The following ATRX variants were observed in gnomAD, a reference collection of about 807,000 sequenced individuals.
ATRX encodes chromatin remodeler ATRX.
ATRX carries 12 observed loss-of-function variants against 172.6 expected under a neutral mutation model. That is an observed-to-expected ratio of 0.07 (90% CI 0.04 to 0.11). The LOEUF (loss-of-function observed/expected upper bound fraction) is 0.11, where lower values mean the gene tolerates loss of function less well. Among genes scored for constraint, ATRX ranks in the 10% least tolerant of loss-of-function variants. ATRX has a pLI of 1.00. For synonymous variants in ATRX, 674 were observed against 594.7 expected (o/e 1.13, Z -1.94); for missense variants, 1,368 against 1,767.4 (o/e 0.77, Z 4.05).
chrX:77,728,025 G>T (rs781813434), intron 1 of ATRX: 1 of 110,157 alleles, frequency 9.1e-6, no homozygotes, highest in Non-Finnish European at 1.9e-5. Flanking sequence ...GAAAATTAGC[G>T]GTAGAATGTG....
chrX:77,770,393 T>G (rs2148941513), intron 1 of ATRX, among the ~76,000 whole-genome samples: 1 of 110,651 alleles, frequency 9.0e-6, no homozygotes, highest in Admixed American at 9.7e-5. Context: ...TGAGCCACCA[T>G]GCCCGGCCAA....
intron 10 of ATRX, among the ~76,000 whole-genome samples, chrX:77,666,998 T>C (rs1172463586): frequency 1.8e-5 from 2 of 111,617 alleles, no homozygotes; most frequent in African/African-American, 6.5e-5. Flanking sequence ...ATTAAAATGA[T>C]ATTCTAAATA....
At chrX:77,588,265 T>A (rs1557078291) in intron 27 of ATRX, among the ~76,000 whole-genome samples, 2 of 112,067 alleles carry the variant, frequency 1.8e-5, no homozygotes, top group Non-Finnish European at 3.8e-5. Flanking sequence ...ATATCATGCA[T>A]AAAAATTAAC....
intron 27 of ATRX, among the ~76,000 whole-genome samples, chrX:77,578,814 C>T (rs782039260): frequency 1.8e-5 from 2 of 112,004 alleles, no homozygotes; most frequent in East Asian, 2.9e-4. Context: ...TTGGCCACAG[C>T]GGACAAAAGC....
rs1557137763 is a variant in ATRX at position 77,681,978 on chromosome X, C to A, written c.3278G>T (p.Arg1093Met). Residue 1093 changes from arginine (R) to methionine (M), a missense_variant, in exon 9 of 35, where the codon AGG (arginine) becomes ATG (methionine). Transcript: ENST00000373344. ...TGAACTCTTTCCAAGCAACTTGCAC[C>A]TTTTCTTCTCTCTACCATATGCTCC... is the stretch of plus-strand genomic sequence containing the variant. Reference protein sequence around the residue: ...KNGAYGREKKRCKLLGKSSRK... With the variant: ...KNGAYGREKKMCKLLGKSSRK... 1.7e-6 allele frequency: 2 copies of A among 1,210,137 alleles called. No individual in the cohort carries two copies. Among genetic ancestry groups the A allele is most frequent in the Non-Finnish European group, 1.1e-6 (1 of 894,407 alleles).
At chrX:77,600,056 C>A (rs782357671) in intron 23 of ATRX, among the ~76,000 whole-genome samples, 3 of 111,035 alleles carry the variant, frequency 2.7e-5, no homozygotes, top group African/African-American at 9.8e-5. Context: ...TGAAGAAATC[C>A]AAATAAAGTC....
intron 22 of ATRX, among the ~76,000 whole-genome samples, chrX:77,607,400 TAAAAC>T (rs1257582601): frequency 2.7e-5 from 3 of 111,493 alleles, no homozygotes; most frequent in African/African-American, 9.8e-5. Flanking sequence ...TAGCTACAAA[TAAAAC>T]AAAATATTCA....
chrX:77,597,090 T>C (rs782752827), intron 25 of ATRX, among the ~76,000 whole-genome samples: 6 of 111,423 alleles, frequency 5.4e-5, no homozygotes, highest in Middle Eastern at 9.3e-3. Flanking sequence ...GAACTTCTCA[T>C]TGCCTTAAAT....
At chrX:77,621,293 T>C (rs1330126946) in intron 19 of ATRX, among the ~76,000 whole-genome samples, 1 of 111,773 alleles carries the variant, frequency 8.9e-6, no homozygotes, top group African/African-American at 3.2e-5. Context: ...TAAAATAACA[T>C]ACATATTTTT....
intron 22 of ATRX, 39 bp from the exon 23 acceptor site, chrX:77,600,603 C>A (rs2148159785): frequency 8.4e-7 from 1 of 1,191,691 alleles, no homozygotes; most frequent in South Asian, 1.8e-5. Flanking sequence ...CAAAAATTGT[C>A]TATATCAACC....
In ATRX at chrX:77,620,546, C is replaced by T. The variant is rs2148272829; in HGVS notation, c.5135-14G>A. On this transcript the variant is annotated splice_polypyrimidine_tract_variant and intron_variant, in intron 19 of 34. Transcript: ENST00000373344. ...CAAAATCAGGGCCTACAAAAATAAA[C>T]AGAAAAATAACACAATTAATATATA... 3.4e-6 allele frequency: 4 copies of T among 1,175,155 alleles called. No homozygotes were observed. Among genetic ancestry groups the T allele is most frequent in the Non-Finnish European group, 4.6e-6 (4 of 868,549 alleles).
At chrX:77,717,081 A>C (rs1557165642) in intron 2 of ATRX, 50 bp downstream of exon 2, 2 of 1,050,567 alleles carry the variant, frequency 1.9e-6, no homozygotes, top group Non-Finnish European at 2.6e-6. Flanking sequence ...AAGTGTAAAA[A>C]AAAAATAGAA....
chrX:77,751,837 G>A (rs2075313184), intron 1 of ATRX, among the ~76,000 whole-genome samples: 1 of 111,567 alleles, frequency 9.0e-6, no homozygotes, highest in Admixed American at 9.6e-5. Context: ...GATGTGTGGT[G>A]TTATTTCTGA....
intron 1 of ATRX, among the ~76,000 whole-genome samples, chrX:77,753,450 G>C (rs1473708024): frequency 2.7e-5 from 3 of 111,118 alleles, no homozygotes; most frequent in African/African-American, 9.8e-5. Flanking sequence ...AGGTTTTCAT[G>C]TCTCTATCTC....
intron 1 of ATRX, among the ~76,000 whole-genome samples, chrX:77,783,855 CATGCAT>C (rs1366951459): frequency 8.9e-6 from 1 of 111,893 alleles, no homozygotes; most frequent in Admixed American, 9.6e-5. Flanking sequence ...TAATTCCCTA[CATGCAT>C]ATATGCAGTT....
chrX:77,605,755 A>G (rs2066880949), intron 22 of ATRX, among the ~76,000 whole-genome samples: 1 of 111,864 alleles, frequency 8.9e-6, no homozygotes, highest in Non-Finnish European at 1.9e-5. Context: ...AACCTAATTC[A>G]ACAACACATC....
In ATRX at chrX:77,683,080, C is replaced by T. The variant is rs782384208; in HGVS notation, c.2176G>A (p.Asp726Asn). Residue 726 changes from aspartate (D) to asparagine (N), a missense_variant, in exon 9 of 35, where the codon GAT becomes AAT. Physicochemically the swap from Asp to Asn is conservative, Grantham distance 23. Around this residue, in one of 17 missense-constraint regions of ATRX, gnomAD observed 843 missense variants for 643.1 expected, o/e 1.31. Transcript: ENST00000373344. ...ATTTCATCAGAATCTGAATTTTGATCCACAGTCTCTGATTGCTTAGATTTT... is the reference window on the plus strand; with the variant it reads ...ATTTCATCAGAATCTGAATTTTGATTCACAGTCTCTGATTGCTTAGATTTT... ...LPKSKQSETV[D>N]QNSDSDEMLA... is the part of the protein sequence containing the mutation. The T allele has an allele frequency of 2.5e-6, 3 of 1,208,554 alleles. No homozygotes were observed. The highest frequency in any genetic ancestry group is 3.4e-6 in the Non-Finnish European group (3 of 894,407).
chrX:77,704,444 A>T (rs2072704151), intron 2 of ATRX, among the ~76,000 whole-genome samples: 1 of 111,716 alleles, frequency 9.0e-6, no homozygotes, highest in African/African-American at 3.3e-5. Context: ...TCCCACTCTG[A>T]TCCATGCAAC....
rs782223625 is a variant in ATRX, at chrX:77,684,584, C to T, written c.672G>A (p.Ala224=). The T allele has an allele frequency of 2.2e-5, 27 of 1,205,756 alleles. No individual in the cohort carries two copies. The highest frequency in any genetic ancestry group is 1.2e-4 in the South Asian group (7 of 56,583). Reference sequence around the variant, plus strand: ...CACAACAAATCAAGTTTCCACCTTCCGCACACCACCTGAAATGTTTTAAAG... The same window carrying T: ...CACAACAAATCAAGTTTCCACCTTCTGCACACCACCTGAAATGTTTTAAAG... The part of the protein sequence containing the change: ...DGMDEQCRWC[A]EGGNLICCDF... Residue 224 remains alanine, a synonymous_variant, in exon 9 of 35, where the codon GCG becomes GCA. Transcript: ENST00000373344.
Sources: allele counts gnomAD v4.1 joint callset (sites outside exome capture counted in the v4.1 genomes callset), GRCh38; gene constraint gnomAD v4.1.1; regional missense constraint gnomAD v4.1.1; transcripts MANE v1.5; gene names NCBI Gene and HGNC (gene_info 2026-07-23, HGNC 2026-07-21).